Variants in GRIK2 observed in about 807,000 individuals in gnomAD.
The protein encoded by GRIK2 is glutamate ionotropic receptor kainate type subunit 2, also known as glutamate receptor ionotropic, kainate 2.
In GRIK2, 32 loss-of-function variants were observed where a neutral mutation model predicts 100.3. The ratio of observed to expected loss-of-function variants is 0.32; its 90% CI spans 0.24 to 0.43. The LOEUF (loss-of-function observed/expected upper bound fraction) is 0.43. Among genes scored for constraint, GRIK2 ranks in the 20% least tolerant of loss-of-function variants. The pLI, the probability that GRIK2 is intolerant of heterozygous loss-of-function variation, is 1.00. For missense variants in GRIK2, 843 were observed against 1,114.9 expected, an observed-to-expected ratio of 0.76 and a Z score of 3.47; for synonymous variants, 417 against 389.4, an observed-to-expected ratio of 1.07 and a Z score of -0.83.
chr6:101,922,172 C>T (rs375693234), intron 12 of GRIK2, among the ~76,000 whole-genome samples: 1 of 149,224 alleles, frequency 6.7e-6, no homozygotes, highest in African/African-American at 2.5e-5. Flanking sequence ...TCCTTCCATT[C>T]TTTCCTTCCT....
rs376836256 is a variant in GRIK2, at chr6:101,818,432, G to A, written c.1266G>A (p.Ala422=). The change falls in exon 10 of 17, where the codon GCG becomes GCA. Residue 422 remains alanine (A), a synonymous_variant. Transcript: ENST00000369134. ...NMTESQKGKP[A]NITDSLSNRS... is the part of the protein sequence containing the mutation. ...CAGAAAGTCAAAAGGGAAAGCCAGC[G>A]AACATCACAGATTCCTTATCCAATC... The A allele has an allele frequency of 1.0e-4, 162 of 1,611,822 alleles. 1 individual carries two copies. Among genetic ancestry groups the A allele is most frequent in the Non-Finnish European group, 1.2e-4 (137 of 1,178,058 alleles).
At chr6:101,512,057 CATAT>C (rs3057424) in intron 2 of GRIK2, among the ~76,000 whole-genome samples, 42,572 of 148,126 alleles carry the variant, frequency 0.29, 6,340 homozygotes, top group African/African-American at 0.36. Context: ...AAGATACATA[CATAT>C]ATATATATAT....
intron 4 of GRIK2, among the ~76,000 whole-genome samples, chr6:101,628,168 A>C (rs1395003333): frequency 6.6e-6 from 1 of 152,134 alleles, no homozygotes; most frequent in East Asian, 1.9e-4. Context: ...CAGTATATAG[A>C]ACTCTGTGCA....
intron 7 of GRIK2, among the ~76,000 whole-genome samples, chr6:101,783,219 T>G (rs905038649): frequency 6.6e-6 from 1 of 152,066 alleles, no homozygotes; most frequent in Non-Finnish European, 1.5e-5. Flanking sequence ...GGGAGATAAT[T>G]AGATCATGGG....
chr6:101,876,009 T>TTGTGTGTG (rs3054436), intron 11 of GRIK2, among the ~76,000 whole-genome samples: 2,800 of 148,910 alleles, frequency 0.019, 31 homozygotes, highest in African/African-American at 0.035. Context: ...GTTTATGTGT[T>TTGTGTGTG]TGTGTGTGTG....
At chr6:101,787,254 A>G (rs1005935524) in intron 7 of GRIK2, among the ~76,000 whole-genome samples, 1 of 150,668 alleles carries the variant, frequency 6.6e-6, no homozygotes, top group African/African-American at 2.4e-5. Flanking sequence ...TTTTTTAAAG[A>G]CTTTTCATTT....
At chr6:101,745,319 T>A (rs190537611) in intron 7 of GRIK2, among the ~76,000 whole-genome samples, 60 of 152,274 alleles carry the variant, frequency 3.9e-4, no homozygotes, top group African/African-American at 1.4e-3. Context: ...AACCTTCACA[T>A]CACATTGAGT....
intron 4 of GRIK2, among the ~76,000 whole-genome samples, chr6:101,663,879 C>T (rs1396495676): frequency 6.6e-6 from 1 of 152,182 alleles, no homozygotes; most frequent in African/African-American, 2.4e-5. Flanking sequence ...TCTAACCTAA[C>T]TGCAACTCTC....
chr6:102,004,859 A>ATT (rs112295873), intron 14 of GRIK2, among the ~76,000 whole-genome samples: 1 of 147,322 alleles, frequency 6.8e-6, no homozygotes, highest in Non-Finnish European at 1.5e-5. Flanking sequence ...TCTCCAGTGC[A>ATT]TTTTTTTTTT....
intron 2 of GRIK2, among the ~76,000 whole-genome samples, chr6:101,526,797 C>T (rs1422847332): frequency 6.6e-6 from 1 of 152,132 alleles, no homozygotes; most frequent in African/African-American, 2.4e-5. Context: ...ACCCCCTTAG[C>T]CCATGGGCCC....
At chr6:101,568,212 G>T (rs593877) in intron 2 of GRIK2, among the ~76,000 whole-genome samples, 7,285 of 151,594 alleles carry the variant, frequency 0.048, 608 homozygotes, top group African/African-American at 0.17. Flanking sequence ...GATTTTCTCA[G>T]CTCTCTGTAC....
At chr6:101,878,602 C>G (rs573539489) in intron 11 of GRIK2, among the ~76,000 whole-genome samples, 2 of 152,132 alleles carry the variant, frequency 1.3e-5, no homozygotes, top group African/African-American at 4.8e-5. Flanking sequence ...GTTTAACTCT[C>G]TCTGTATTTT....
chr6:101,453,610 C>T (rs9498593), intron 2 of GRIK2, among the ~76,000 whole-genome samples: 236 of 151,912 alleles, frequency 1.6e-3, no homozygotes, highest in African/African-American at 5.5e-3. Context: ...GAAAAGTTTC[C>T]ACCGTCTTAT....
At chr6:101,955,615 T>TCTCC (rs1405718742) in intron 14 of GRIK2, among the ~76,000 whole-genome samples, 47 of 93,192 alleles carry the variant, frequency 5.0e-4, no homozygotes, top group African/African-American at 1.9e-3. Context: ...TCTCTCTCTC[T>TCTCC]CCCCCCCATT....
chr6:101,581,181 TACAC>T (rs35142893), intron 2 of GRIK2, among the ~76,000 whole-genome samples: 2 of 138,034 alleles, frequency 1.4e-5, no homozygotes, highest in African/African-American at 2.6e-5. Flanking sequence ...TATATATATA[TACAC>T]ACACACACAT....
intron 2 of GRIK2, among the ~76,000 whole-genome samples, chr6:101,565,428 AAATG>A (rs1446755693): frequency 1.3e-5 from 2 of 152,140 alleles, no homozygotes; most frequent in Non-Finnish European, 2.9e-5. Context: ...AAGAGTTTCT[AAATG>A]AATATAATTC....
At chr6:101,693,125 CA>C (rs1772226541) in intron 7 of GRIK2, among the ~76,000 whole-genome samples, 1 of 152,094 alleles carries the variant, frequency 6.6e-6, no homozygotes, top group African/African-American at 2.4e-5. Flanking sequence ...ATTAAATAAG[CA>C]GCATTTAAGC....
At chr6:102,033,520 C>T (rs1382175971) in intron 14 of GRIK2, among the ~76,000 whole-genome samples, 1 of 151,186 alleles carries the variant, frequency 6.6e-6, no homozygotes, top group Non-Finnish European at 1.5e-5. Context: ...TTTTTTTAAA[C>T]CCATGTTTAT....
At chr6:102,004,498 C>G (rs1795109358) in intron 14 of GRIK2, among the ~76,000 whole-genome samples, 1 of 151,686 alleles carries the variant, frequency 6.6e-6, no homozygotes, top group Non-Finnish European at 1.5e-5. Context: ...ATAACATGTC[C>G]TTTTGAAAAT....
Sources: allele counts gnomAD v4.1 joint callset (sites outside exome capture counted in the v4.1 genomes callset), GRCh38; gene constraint gnomAD v4.1.1; transcripts MANE v1.5; gene names NCBI Gene and HGNC (gene_info 2026-07-23, HGNC 2026-07-21).